Variants in LSM14A observed in about 807,000 individuals in gnomAD.
The protein encoded by LSM14A is LSM14A mRNA processing body assembly factor.
LSM14A carries 14 observed loss-of-function variants against 52.4 expected under a neutral mutation model. That is an observed-to-expected ratio of 0.27 (90% CI 0.18 to 0.42). The LOEUF (loss-of-function observed/expected upper bound fraction) is 0.42. Ranked by LOEUF, LSM14A falls within the 10% of genes least tolerant of loss-of-function variation. The pLI is 1.00. For missense variants in LSM14A, 417 were observed against 581.8 expected (o/e 0.72, Z 2.91); for synonymous variants, 185 against 200.3 (o/e 0.92, Z 0.64).
intron 9 of LSM14A, 89 bp downstream of exon 9, chr19:34,221,827 T>A: frequency 1.3e-6 from 2 of 1,487,984 alleles, no homozygotes; most frequent in Non-Finnish European, 1.8e-6. Context: ...TTGGGTGAAT[T>A]GTTTTGAGGA....
chr19:34,190,007 T>C (rs1300483423), intron 1 of LSM14A, among the ~76,000 whole-genome samples: 1 of 152,220 alleles, frequency 6.6e-6, no homozygotes, highest in African/African-American at 2.4e-5. Context: ...ACCAATGTGA[T>C]TTCTGAATGT....
rs552154290 is a variant in LSM14A at position 34,176,349 on chromosome 19, A to G, written c.121+3586A>G. On this transcript the variant is annotated intron_variant, in intron 1 of 9. Transcript: ENST00000544216. ...CTAACTACACAGGCTGAAAAGATAC[A>G]TAAGATAAAAATGAAATATTTTTAA... 5.9e-5 allele frequency among the ~76,000 whole-genome samples: 9 copies of G among 152,258 alleles called. No homozygotes were observed. In the East Asian group the frequency reaches 9.6e-4, roughly 16 times the overall value.
intron 1 of LSM14A, among the ~76,000 whole-genome samples, chr19:34,192,319 G>GTTTTTT (rs71165632): frequency 0.069 from 3,686 of 53,364 alleles, 567 homozygotes; most frequent in Middle Eastern, 0.12. Context: ...TCTTTTTGTT[G>GTTTTTT]TTTTTTTTTT....
At chr19:34,192,319 G>GTTTTTTTTTTGTTTTTTT (rs2070457878) in intron 1 of LSM14A, among the ~76,000 whole-genome samples, 2 of 53,410 alleles carry the variant, frequency 3.7e-5, no homozygotes, top group South Asian at 6.5e-4. Flanking sequence ...TCTTTTTGTT[G>GTTTTTTTTTTGTTTTTTT]TTTTTTTTTT....
chr19:34,192,256 A>G (rs566342148), intron 1 of LSM14A, among the ~76,000 whole-genome samples: 3 of 151,296 alleles, frequency 2.0e-5, no homozygotes, highest in African/African-American at 7.3e-5. Flanking sequence ...CATAAGTACT[A>G]GAAAGAACTT....
At chr19:34,201,737 A>G (rs1036113118) in intron 3 of LSM14A, among the ~76,000 whole-genome samples, 3 of 152,200 alleles carry the variant, frequency 2.0e-5, no homozygotes, top group African/African-American at 7.2e-5. Context: ...GGAAATTTAA[A>G]TGAATCTGGA....
intron 8 of LSM14A, 89 bp downstream of exon 8, chr19:34,219,966 A>G: frequency 2.1e-6 from 2 of 933,774 alleles, no homozygotes; most frequent in East Asian, 2.5e-5. Context: ...AATGAATACT[A>G]CCATAATTGT....
chr19:34,225,661 A>G (rs1467224285), intron 9 of LSM14A, among the ~76,000 whole-genome samples: 1 of 152,236 alleles, frequency 6.6e-6, no homozygotes, highest in East Asian at 1.9e-4. Flanking sequence ...CTCACATTAG[A>G]TGATAAGGAA....
intron 9 of LSM14A, among the ~76,000 whole-genome samples, chr19:34,222,820 C>A (rs572894667): frequency 1.3e-5 from 2 of 152,322 alleles, no homozygotes; most frequent in African/African-American, 2.4e-5. Flanking sequence ...GCAAAATCAC[C>A]TTCCCAGCTA....
rs79410625 is a variant in LSM14A at position 34,219,658 on chromosome 19, A to G, written c.965-48A>G. On this transcript the variant is annotated intron_variant, in intron 7 of 9. Transcript: ENST00000544216. ...TTCTCAGATTAGGTGTTTTTATGTA[A>G]TTCAGATTAGCTGTCTTGACTTTTC... The G allele has an allele frequency of 2.5e-4, 394 of 1,578,144 alleles. 4 individuals are homozygous for G. In the East Asian group the frequency reaches 8.2e-3, roughly 33 times the overall value.
intron 1 of LSM14A, among the ~76,000 whole-genome samples, chr19:34,173,918 G>A (rs1350810839): frequency 6.7e-6 from 1 of 148,764 alleles, no homozygotes; most frequent in East Asian, 1.9e-4. Context: ...ATATTTCTTG[G>A]ATGCTCTGGT....
chr19:34,206,650 G>A (rs1451361047), intron 3 of LSM14A, among the ~76,000 whole-genome samples: 1 of 152,088 alleles, frequency 6.6e-6, no homozygotes, highest in Non-Finnish European at 1.5e-5. Flanking sequence ...ACTCCAGCCT[G>A]ACGACAGAGC....
chr19:34,176,553 T>G (rs1474710479), intron 1 of LSM14A, among the ~76,000 whole-genome samples: 3 of 152,234 alleles, frequency 2.0e-5, no homozygotes, highest in Non-Finnish European at 2.9e-5. Flanking sequence ...TAATAGAGTT[T>G]AATTTTGCCC....
intron 1 of LSM14A, among the ~76,000 whole-genome samples, chr19:34,174,766 T>C (rs1179438337): frequency 2.0e-5 from 3 of 152,344 alleles, no homozygotes; most frequent in African/African-American, 7.2e-5. Context: ...GAGCCAGATA[T>C]GGGTTGAAAA....
intron 8 of LSM14A, 135 bp downstream of exon 8, chr19:34,220,012 C>A: frequency 1.5e-6 from 1 of 683,200 alleles, no homozygotes; most frequent in Non-Finnish European, 2.5e-6. Context: ...CTCTGTTACT[C>A]AGGCTGGAGA....
chr19:34,177,261 C>CT (rs1397482545), intron 1 of LSM14A, among the ~76,000 whole-genome samples: 4 of 151,850 alleles, frequency 2.6e-5, no homozygotes, highest in Admixed American at 6.5e-5. Flanking sequence ...GCTAGTGTTT[C>CT]TTTTTTTAAA....
intron 1 of LSM14A, among the ~76,000 whole-genome samples, chr19:34,191,863 T>A (rs2070405698): frequency 6.6e-6 from 1 of 152,230 alleles, no homozygotes; most frequent in South Asian, 2.1e-4. Flanking sequence ...TTTCTCCTCC[T>A]TATCCTTCCT....
intron 1 of LSM14A, 146 bp from the exon 2 acceptor site, chr19:34,194,332 A>G: frequency 1.4e-6 from 1 of 734,490 alleles, no homozygotes; most frequent in East Asian, 2.6e-5. Flanking sequence ...CTCTTTAAAA[A>G]AACTTTTTTA....
At chr19:34,197,361 G>T (rs1237844323) in intron 3 of LSM14A, among the ~76,000 whole-genome samples, 3 of 151,522 alleles carry the variant, frequency 2.0e-5, no homozygotes, top group Non-Finnish European at 2.9e-5. Flanking sequence ...AAAGTGCTAG[G>T]ATTACAGGTG....
Sources: allele counts gnomAD v4.1 joint callset (sites outside exome capture counted in the v4.1 genomes callset), GRCh38; gene constraint gnomAD v4.1.1; transcripts MANE v1.5; gene names NCBI Gene and HGNC (gene_info 2026-07-23, HGNC 2026-07-21).